NRXN1: variants seen among roughly 807,000 people sequenced by gnomAD.
NRXN1 encodes the protein neurexin-1.
Under a neutral mutation model 150.9 loss-of-function variants are expected in NRXN1, and 39 were observed. That is an observed-to-expected ratio of 0.26 (90% CI 0.20 to 0.34). The LOEUF is 0.34. Ranked by LOEUF, NRXN1 falls within the 10% of genes least tolerant of loss-of-function variation. The pLI, the probability that NRXN1 is intolerant of heterozygous loss-of-function variation, is 1.00. For synonymous variants in NRXN1, 924 were observed against 757.0 expected, an observed-to-expected ratio of 1.22 and a Z score of -3.62; for missense variants, 1,815 against 1,949.9, an observed-to-expected ratio of 0.93 and a Z score of 1.30.
chr2:50,120,794 T>C (rs565389192), intron 18 of NRXN1, among the ~76,000 whole-genome samples: 124 of 152,302 alleles, frequency 8.1e-4, no homozygotes, highest in African/African-American at 2.9e-3. Flanking sequence ...CTCTCACTTA[T>C]TCTGTCCTTA....
chr2:50,585,404 A>T (rs1189022430), intron 8 of NRXN1, among the ~76,000 whole-genome samples: 4 of 152,178 alleles, frequency 2.6e-5, no homozygotes, highest in African/African-American at 9.7e-5. Context: ...TAATGGGTGT[A>T]GATTATCAGT....
rs536365401 is a variant in NRXN1 at position 50,294,231 on chromosome 2, A to T, written c.3365-57261T>A. Among the ~76,000 whole-genome samples the T allele has an allele frequency of 2.0e-5, 3 of 152,330 alleles. No individual in the cohort carries two copies. The South Asian group carries it at 6.2e-4, about 32-fold the overall frequency. ...TTAATTTACAATACTTTAGGGAATG[A>T]TAAGACAGCCTAAATTGCCAGGTAG... On this transcript the variant is annotated intron_variant, in intron 17 of 22. Coordinates refer to ENST00000401669, the MANE Select transcript of NRXN1 (RefSeq NM_001330078.2).
intron 2 of NRXN1, among the ~76,000 whole-genome samples, chr2:50,994,463 T>A (rs898974847): frequency 6.6e-6 from 1 of 152,032 alleles, no homozygotes; most frequent in African/African-American, 2.4e-5. Flanking sequence ...TTATCACGAC[T>A]TTTGTTTTGA....
chr2:50,575,736 T>C (rs1011800971), intron 8 of NRXN1, among the ~76,000 whole-genome samples: 1 of 152,164 alleles, frequency 6.6e-6, no homozygotes, highest in Non-Finnish European at 1.5e-5. Flanking sequence ...TTACCATTTT[T>C]CCCCAGTACA....
intron 17 of NRXN1, among the ~76,000 whole-genome samples, chr2:50,419,032 G>C (rs1447260511): frequency 6.6e-6 from 1 of 151,890 alleles, no homozygotes. Context: ...CATAAGTGAA[G>C]ACAAAATACA....
chr2:50,499,784 C>T (rs192116603), intron 13 of NRXN1, among the ~76,000 whole-genome samples: 84 of 151,888 alleles, frequency 5.5e-4, no homozygotes, highest in African/African-American at 1.8e-3. Context: ...TCTGTCTCTA[C>T]TAAAAATACA....
intron 17 of NRXN1, among the ~76,000 whole-genome samples, chr2:50,434,048 T>TA (rs2085210952): frequency 1.0e-5 from 1 of 99,696 alleles, no homozygotes; most frequent in Non-Finnish European, 1.9e-5. Flanking sequence ...AAGCCATTTT[T>TA]TTTTTTTTTT....
In NRXN1 at chr2:50,347,257, A is replaced by C. The variant is rs2152998107; in HGVS notation, c.3365-110287T>G. On this transcript the variant is annotated intron_variant, in intron 17 of 22. Coordinates refer to ENST00000401669, the MANE Select transcript of NRXN1 (RefSeq NM_001330078.2). The surrounding 1 kb of genome is among the most constrained non-coding windows in gnomAD (Gnocchi z 4.9). ...GCTGCTCCCAGATTTCCAGGGCTCC[A>C]GGTTCTCGAGAGATACTCCCAAAGA... 2 of 1,317,458 alleles carry C rather than the reference A, an allele frequency of 1.5e-6. No individual in the cohort carries two copies. The highest frequency in any genetic ancestry group is 2.0e-6 in the Non-Finnish European group (2 of 1,008,126). 81.6% of individuals were successfully genotyped at this position (1,317,458 alleles called of 1,614,324 possible). A position where few individuals can be genotyped will look rare whatever the true frequency, so the allele number is the denominator to read the frequency against.
In NRXN1 at chr2:50,108,177, C is replaced by T. The variant is rs1385586749; in HGVS notation, c.3547-16683G>A. Among the ~76,000 whole-genome samples, 2 of 151,938 alleles carry T rather than the reference C, an allele frequency of 1.3e-5. 1 individual carries two copies. Among genetic ancestry groups the T allele is most frequent in the East Asian group, 3.8e-4 (2 of 5,200 alleles). On this transcript the variant is annotated intron_variant, in intron 18 of 22. Transcript: ENST00000401669. ...CCCCTCTAACTCCATAAAATTAAAA[C>T]AAAATTACAATCCCTCCTAAATGTA... is the stretch of plus-strand genomic sequence containing the variant.
At chr2:50,620,277 T>C in intron 7 of NRXN1, 94 bp from the exon 8 acceptor site, 1 of 1,310,148 alleles carries the variant, frequency 7.6e-7, no homozygotes, top group South Asian at 1.5e-5. Flanking sequence ...CTTTTGTTTT[T>C]TTGTTTTGTT....
At chr2:50,489,396 A>C (rs903983048) in intron 15 of NRXN1, among the ~76,000 whole-genome samples, 9 of 152,140 alleles carry the variant, frequency 5.9e-5, no homozygotes, top group Non-Finnish European at 1.2e-4. Flanking sequence ...AATCTTCACC[A>C]ATGAATCCAC....
intron 15 of NRXN1, among the ~76,000 whole-genome samples, chr2:50,482,472 G>A (rs922135630): frequency 3.9e-5 from 6 of 152,040 alleles, no homozygotes; most frequent in Non-Finnish European, 5.9e-5. Context: ...ATTCCTTACA[G>A]CAGACAATTC....
chr2:50,895,743 G>C (rs1681843022), intron 5 of NRXN1, among the ~76,000 whole-genome samples: 2 of 151,764 alleles, frequency 1.3e-5, no homozygotes, highest in South Asian at 2.1e-4. Context: ...ACCACGCCTG[G>C]CTAATTTTGT....
intron 5 of NRXN1, among the ~76,000 whole-genome samples, chr2:50,799,280 G>C (rs1267623745): frequency 2.0e-5 from 3 of 152,138 alleles, no homozygotes; most frequent in Non-Finnish European, 4.4e-5. Context: ...ACTATGTTTG[G>C]ATTCCAGTAC....
chr2:50,777,879 A>C (rs1244153901), intron 5 of NRXN1, among the ~76,000 whole-genome samples: 1 of 152,114 alleles, frequency 6.6e-6, no homozygotes, highest in Non-Finnish European at 1.5e-5. Context: ...GGCTTCACTG[A>C]CCTCTTTGGA....
intron 17 of NRXN1, among the ~76,000 whole-genome samples, chr2:50,289,192 T>A (rs900019018): frequency 1.3e-5 from 2 of 152,136 alleles, no homozygotes; most frequent in African/African-American, 4.8e-5. Flanking sequence ...TATATGGGAA[T>A]GTGTAAATCT....
rs1369119589 is a variant in NRXN1, at chr2:50,381,569, ACAC to A, written c.3364+83870_3364+83872del. Among the ~76,000 whole-genome samples, 5 of 137,662 alleles carry A rather than the reference ACAC, an allele frequency of 3.6e-5. No homozygotes were observed. The East Asian group carries it at 6.3e-4, about 17-fold the overall frequency. 90.3% of individuals were successfully genotyped at this position (137,662 alleles called of 152,430 possible). A position where few individuals can be genotyped will look rare whatever the true frequency, so the allele number is the denominator to read the frequency against. On this transcript the variant is annotated intron_variant, in intron 17 of 22. Transcript: ENST00000401669. ...CACACACACACACACACACACACAC[ACAC>A]AATCTGCTTTTGGCTATGAAAAGGA... is the stretch of plus-strand genomic sequence containing the variant.
In NRXN1 at chr2:50,286,623, T is replaced by C. The variant is rs933057447; in HGVS notation, c.3365-49653A>G. On this transcript the variant is annotated intron_variant, in intron 17 of 22. Coordinates refer to ENST00000401669, the MANE Select transcript of NRXN1 (RefSeq NM_001330078.2). ...GTGCCACAGATATTATGTGAAGAGG[T>C]AGAATGATAAACCAAAACAAACAGC... Among the ~76,000 whole-genome samples the C allele has an allele frequency of 3.9e-5, 6 of 151,990 alleles. No individual in the cohort carries two copies. The South Asian group carries it at 1.2e-3, about 32-fold the overall frequency.
Position 50,962,192 on chromosome 2 carries a change from T to C in NRXN1, c.773-36237A>G, listed in dbSNP as rs189505782. Among the ~76,000 whole-genome samples, 10 of 151,896 alleles carry C rather than the reference T, an allele frequency of 6.6e-5. No homozygotes were observed. In the East Asian group the frequency reaches 1.4e-3, roughly 21 times the overall value. On this transcript the variant is annotated intron_variant, in intron 2 of 22. Coordinates refer to ENST00000401669, the MANE Select transcript of NRXN1 (RefSeq NM_001330078.2). ...TAACAAACGGCATGCCAATGTATTC[T>C]ACATCTGTCTGTTCCACAATTGAGA... is the stretch of plus-strand genomic sequence containing the variant.
Sources: gnomAD v4.1 joint callset for allele counts (sites outside exome capture counted in the v4.1 genomes callset) on GRCh38, gnomAD v4.1.1 for gene constraint, Gnocchi (gnomAD v3.1) non-coding constraint, MANE v1.5 for transcripts, NCBI Gene and HGNC (gene_info 2026-07-23, HGNC 2026-07-21) for gene names.